Variants in COL10A1 observed in about 807,000 individuals in gnomAD.
COL10A1 encodes collagen alpha-1(X) chain.
In COL10A1, 10 loss-of-function variants were observed where a neutral mutation model predicts 18.2. The observed-to-expected ratio is 0.55, with a 90% CI of 0.34 to 0.93. COL10A1 has a LOEUF of 0.93. Among genes scored for constraint, COL10A1 ranks in the 40% least tolerant of loss-of-function variants. The probability of loss-of-function intolerance (pLI) is 0.02; values close to 1 mark genes in which losing one functional copy is unlikely to be tolerated. For missense variants in COL10A1, 897 were observed against 853.5 expected, an observed-to-expected ratio of 1.05 and a Z score of -0.64; for synonymous variants, 330 against 316.6, an observed-to-expected ratio of 1.04 and a Z score of -0.45.
chr6:116,192,961 T>C, the COL10A1 span, among the ~76,000 whole-genome samples: 1 of 152,094 alleles, frequency 6.6e-6, no homozygotes, highest in Non-Finnish European at 1.5e-5. Flanking sequence ...GCCAGGATTG[T>C]TGCCAAGAAG....
the COL10A1 span, among the ~76,000 whole-genome samples, chr6:116,204,361 A>G: frequency 6.6e-6 from 1 of 152,000 alleles, no homozygotes; most frequent in African/African-American, 2.4e-5. Flanking sequence ...ACTGAGAAAG[A>G]TTCAAAAAGA....
At chr6:116,141,849 G>A (rs1209064720) in intron 1 of COL10A1, among the ~76,000 whole-genome samples, 3 of 146,672 alleles carry the variant, frequency 2.0e-5, no homozygotes, top group Admixed American at 6.8e-5. Context: ...CTTACATAGA[G>A]TCTTATTTCA....
chr6:116,198,920 T>C, the COL10A1 span, among the ~76,000 whole-genome samples: 2 of 152,120 alleles, frequency 1.3e-5, no homozygotes, highest in Non-Finnish European at 2.9e-5. Flanking sequence ...ATAAACAGTG[T>C]AAATTAGATG....
chr6:116,179,298 A>G, the COL10A1 span, among the ~76,000 whole-genome samples: 1 of 152,184 alleles, frequency 6.6e-6, no homozygotes, highest in Non-Finnish European at 1.5e-5. Flanking sequence ...TGAAAACTGC[A>G]TAATGGCAGG....
upstream of COL10A1, among the ~76,000 whole-genome samples, chr6:116,128,162 C>T (rs749732472): frequency 9.2e-5 from 14 of 152,112 alleles, no homozygotes; most frequent in Non-Finnish European, 1.6e-4. Flanking sequence ...ATTCTATACT[C>T]CCCTTTAGTT....
chr6:116,157,230 A>T (rs1380543489), intron 1 of COL10A1, among the ~76,000 whole-genome samples: 1 of 152,138 alleles, frequency 6.6e-6, no homozygotes, highest in Non-Finnish European at 1.5e-5. Context: ...AAAAATGAGG[A>T]TTCCCCCCCA....
intron 1 of COL10A1, among the ~76,000 whole-genome samples, chr6:116,142,457 C>G (rs1779791409): frequency 1.3e-5 from 2 of 152,072 alleles, no homozygotes; most frequent in African/African-American, 4.8e-5. Flanking sequence ...CTCTTAAACT[C>G]ATGTTTCACT....
At chr6:116,159,785 C>T (rs1780285520), upstream of COL10A1, among the ~76,000 whole-genome samples, 1 of 152,180 alleles carries the variant, frequency 6.6e-6, no homozygotes, top group Non-Finnish European at 1.5e-5. Context: ...CCCCCAGCCC[C>T]CACCTTTTGG....
chr6:116,186,552 A>T, the COL10A1 span, among the ~76,000 whole-genome samples: 1 of 151,856 alleles, frequency 6.6e-6, no homozygotes, highest in Non-Finnish European at 1.5e-5. Context: ...TCCCAAACTT[A>T]TTGGAGGCTT....
chr6:116,200,197 G>A, the COL10A1 span, among the ~76,000 whole-genome samples: 4 of 151,884 alleles, frequency 2.6e-5, no homozygotes, highest in Non-Finnish European at 5.9e-5. Flanking sequence ...CCCAATTGAA[G>A]GACATTCTAC....
At chr6:116,156,062 T>C (rs1200763404) in intron 1 of COL10A1, among the ~76,000 whole-genome samples, 2 of 152,310 alleles carry the variant, frequency 1.3e-5, no homozygotes, top group Non-Finnish European at 2.9e-5. Flanking sequence ...AAATATACTT[T>C]CCTAATCATG....
At chr6:116,167,449 T>C in the COL10A1 span, among the ~76,000 whole-genome samples, 2 of 152,142 alleles carry the variant, frequency 1.3e-5, no homozygotes, top group African/African-American at 4.8e-5. Context: ...CCTGGCCTTG[T>C]GATCCACTTG....
At chr6:116,145,671 A>T (rs891531277) in intron 1 of COL10A1, among the ~76,000 whole-genome samples, 2 of 152,190 alleles carry the variant, frequency 1.3e-5, no homozygotes, top group African/African-American at 4.8e-5. Flanking sequence ...ATCCCCAGTG[A>T]TCTGAAAATC....
chr6:116,179,642 A>C, the COL10A1 span, among the ~76,000 whole-genome samples: 1 of 152,152 alleles, frequency 6.6e-6, no homozygotes, highest in Admixed American at 6.6e-5. Flanking sequence ...CAGTGTTATC[A>C]AAAAGAATAA....
rs1453588812 is a variant in COL10A1, at chr6:116,120,041, T to C, written c.*32A>G. 1 of 1,552,706 alleles carries C rather than the reference T, an allele frequency of 6.4e-7. No individual in the cohort carries two copies. The highest frequency in any genetic ancestry group is 1.1e-5 in the South Asian group (1 of 88,710). ...GGGTAGAGTTAGAGAATGCTTTTTC[T>C]AGCACAAGATTTAGATTAGCTCTGT... On this transcript the variant is annotated 3_prime_UTR_variant, in exon 3 of 3. Coordinates refer to ENST00000651968, the MANE Select transcript of COL10A1 (RefSeq NM_000493.4).
At chr6:116,214,513 A>G in the COL10A1 span, among the ~76,000 whole-genome samples, 1 of 152,094 alleles carries the variant, frequency 6.6e-6, no homozygotes, top group Non-Finnish European at 1.5e-5. Context: ...TATTCTACTG[A>G]AGTAATTCTC....
upstream of COL10A1, among the ~76,000 whole-genome samples, chr6:116,130,787 A>G (rs1177830118): frequency 6.6e-6 from 1 of 152,034 alleles, no homozygotes; most frequent in Non-Finnish European, 1.5e-5. Flanking sequence ...AAACCCTAGT[A>G]CTCATGCCAG....
At chr6:116,176,903 T>TA in the COL10A1 span, among the ~76,000 whole-genome samples, 1 of 152,172 alleles carries the variant, frequency 6.6e-6, no homozygotes, top group African/African-American at 2.4e-5. Flanking sequence ...TGGACCAAGA[T>TA]ATGAAAGGGG....
the COL10A1 span, among the ~76,000 whole-genome samples, chr6:116,212,172 C>T: frequency 6.6e-6 from 1 of 152,016 alleles, no homozygotes; most frequent in Non-Finnish European, 1.5e-5. Context: ...GAGTTAAAAT[C>T]TCACTGATTT....
Sources: allele counts gnomAD v4.1 joint callset (sites outside exome capture counted in the v4.1 genomes callset), GRCh38; gene constraint gnomAD v4.1.1; transcripts MANE v1.5; gene names NCBI Gene and HGNC (gene_info 2026-07-23, HGNC 2026-07-21).